Variants in ZSWIM5 observed in about 807,000 individuals in gnomAD.
ZSWIM5 encodes zinc finger SWIM-type containing 5, also known as zinc finger SWIM domain-containing protein 5.
ZSWIM5 carries 55 observed loss-of-function variants against 119.6 expected under a neutral mutation model. The ratio of observed to expected loss-of-function variants is 0.46; its 90% confidence interval spans 0.37 to 0.58. The LOEUF is 0.58. Ranked by LOEUF, ZSWIM5 falls within the 20% of genes least tolerant of loss-of-function variation. The pLI, the probability that ZSWIM5 is intolerant of heterozygous loss-of-function variation, is 0.00. For missense variants in ZSWIM5, 1,193 were observed against 1,512.8 expected (o/e 0.79, Z 3.51); for synonymous variants, 537 against 606.9 (o/e 0.88, Z 1.69).
At chr1:45,078,378 T>C (rs2149007480) in intron 2 of ZSWIM5, among the ~76,000 whole-genome samples, 1 of 152,270 alleles carries the variant, frequency 6.6e-6, no homozygotes, top group East Asian at 1.9e-4. Flanking sequence ...TGTATCTGCT[T>C]TAGTGGTCAC....
Position 45,018,556 on chromosome 1 carries a change from G to C in ZSWIM5, c.3456C>G (p.Pro1152=). 1 of 1,614,200 alleles carries C rather than the reference G, an allele frequency of 6.2e-7. No individual in the cohort carries two copies. Among genetic ancestry groups the C allele is most frequent in the African/African-American group, 1.3e-5 (1 of 75,040 alleles). ...LSKARETFLL[P]QDGHLQFAQF... ...GGGCAAACTGCAGGTGGCCATCCTGGGGCAGCAGGAAGGTCTCCCGAGCCT... is the reference window on the plus strand; with the variant it reads ...GGGCAAACTGCAGGTGGCCATCCTGCGGCAGCAGGAAGGTCTCCCGAGCCT... Residue 1152 remains proline (P), a synonymous_variant, in exon 14 of 14, where the codon CCC becomes CCG. Coordinates refer to ENST00000359600, the MANE Select transcript of ZSWIM5 (RefSeq NM_020883.2). The surrounding 1 kb of genome is among the most constrained non-coding windows in gnomAD (Gnocchi z 6.7).
Position 45,019,434 on chromosome 1 carries a change from C to G in ZSWIM5, c.2696-118G>C. 7.2e-7 allele frequency: 1 copy of G among 1,387,890 alleles called. No homozygotes were observed. Among genetic ancestry groups the G allele is most frequent in the Non-Finnish European group, 9.6e-7 (1 of 1,039,988 alleles). 86.0% of individuals were successfully genotyped at this position (1,387,890 alleles called of 1,614,324 possible). ...AGATGAATTCTTCCTCCTCAGCAAC[C>G]TTGAGATGATATGAGGCAAACCAGG... On this transcript the variant is annotated intron_variant, in intron 13 of 13. Transcript: ENST00000359600. This position sits in a 1 kb window ranked among gnomAD's most constrained non-coding sequence, Gnocchi z 5.0.
intron 3 of ZSWIM5, 149 bp downstream of exon 3, chr1:45,059,950 G>C: frequency 1.0e-6 from 1 of 962,080 alleles, no homozygotes; most frequent in Non-Finnish European, 1.5e-6. Flanking sequence ...GCTCAGGTCT[G>C]GTCAGCCTCT....
chr1:45,018,596 A>G lies in ZSWIM5; in HGVS notation c.3416T>C (p.Ile1139Thr), dbSNP rs763363708. The G allele has an allele frequency of 6.2e-7, 1 of 1,614,204 alleles. No homozygotes were observed. The highest frequency in any genetic ancestry group is 8.5e-7 in the Non-Finnish European group (1 of 1,180,028). The change falls in exon 14 of 14, where the codon ATT becomes ACT. Residue 1139 changes from isoleucine to threonine, a missense_variant. Physicochemically the swap from Ile to Thr is moderately conservative, Grantham distance 89 (BLOSUM62 -1). Coordinates refer to ENST00000359600, the MANE Select transcript of ZSWIM5 (RefSeq NM_020883.2). This position sits in a 1 kb window ranked among gnomAD's most constrained non-coding sequence, Gnocchi z 6.7. ...HISPRHYGEF[I>T]EFLSKARETF... ...CTCCCGAGCCTTGCTTAGAAACTCAATGAACTCTCCATAGTGGCGAGGGCT... is the reference window on the plus strand; with the variant it reads ...CTCCCGAGCCTTGCTTAGAAACTCAGTGAACTCTCCATAGTGGCGAGGGCT...
chr1:45,055,076 C>CT (rs2148998800), intron 4 of ZSWIM5, among the ~76,000 whole-genome samples: 1 of 152,116 alleles, frequency 6.6e-6, no homozygotes, highest in African/African-American at 2.4e-5. Flanking sequence ...ACTGCAAGCT[C>CT]GCCTCCCGGG....
intron 11 of ZSWIM5, among the ~76,000 whole-genome samples, chr1:45,032,084 C>T (rs1644956642): frequency 6.6e-6 from 1 of 151,912 alleles, no homozygotes; most frequent in African/African-American, 2.4e-5. Flanking sequence ...TTTTTATTAT[C>T]GAATTCTAAT....
intron 4 of ZSWIM5, among the ~76,000 whole-genome samples, chr1:45,054,463 T>A (rs1380981207): frequency 6.6e-6 from 1 of 151,958 alleles, no homozygotes; most frequent in Non-Finnish European, 1.5e-5. Context: ...GCGCCTGTAG[T>A]CTCAGCTACT....
chr1:45,081,765 G>C (rs1235725571), intron 2 of ZSWIM5, among the ~76,000 whole-genome samples: 1 of 152,010 alleles, frequency 6.6e-6, no homozygotes, highest in Non-Finnish European at 1.5e-5. Context: ...TCTCTGCCTG[G>C]CCACCCATCG....
intron 2 of ZSWIM5, among the ~76,000 whole-genome samples, chr1:45,073,401 G>A (rs549725684): frequency 6.6e-6 from 1 of 151,112 alleles, no homozygotes; most frequent in African/African-American, 2.4e-5. Context: ...TGGGATTACT[G>A]GTGCCCACCA....
intron 1 of ZSWIM5, among the ~76,000 whole-genome samples, chr1:45,180,145 G>A (rs1226732): frequency 0.063 from 9,582 of 152,282 alleles, 384 homozygotes; most frequent in East Asian, 0.11. Context: ...ACTCACTCGG[G>A]AAGCCCAAGG....
intron 1 of ZSWIM5, among the ~76,000 whole-genome samples, chr1:45,129,447 A>G (rs146607309): frequency 0.021 from 3,141 of 152,204 alleles, 117 homozygotes; most frequent in African/African-American, 0.072. Flanking sequence ...GTGAGCCACC[A>G]TGCCCAGCCA....
intron 6 of ZSWIM5, among the ~76,000 whole-genome samples, chr1:45,041,802 T>A (rs1344304061): frequency 6.6e-6 from 1 of 152,256 alleles, no homozygotes; most frequent in African/African-American, 2.4e-5. Flanking sequence ...CCTCTCAATG[T>A]GCTGGGATTA....
At chr1:45,076,559 T>C (rs536730354) in intron 2 of ZSWIM5, among the ~76,000 whole-genome samples, 1 of 152,314 alleles carries the variant, frequency 6.6e-6, no homozygotes, top group Admixed American at 6.5e-5. Flanking sequence ...AGTTTGATTA[T>C]TAAATGTCTT....
At chr1:45,162,240 A>G (rs1408779585) in intron 1 of ZSWIM5, among the ~76,000 whole-genome samples, 1 of 152,254 alleles carries the variant, frequency 6.6e-6, no homozygotes, top group Non-Finnish European at 1.5e-5. Flanking sequence ...CTGTAATCCC[A>G]GCACTATGGG....
In ZSWIM5 at chr1:45,019,427, C is replaced by T. The variant is rs1401169013; in HGVS notation, c.2696-111G>A. The T allele has an allele frequency of 1.4e-6, 2 of 1,421,548 alleles. No individual in the cohort carries two copies. Among genetic ancestry groups the T allele is most frequent in the Non-Finnish European group, 1.9e-6 (2 of 1,066,596 alleles). 88.1% of individuals were successfully genotyped at this position (1,421,548 alleles called of 1,614,324 possible). On this transcript the variant is annotated intron_variant, in intron 13 of 13. Transcript: ENST00000359600. This position sits in a 1 kb window ranked among gnomAD's most constrained non-coding sequence, Gnocchi z 5.0. ...CCTGCAGAGATGAATTCTTCCTCCT[C>T]AGCAACCTTGAGATGATATGAGGCA... is the stretch of plus-strand genomic sequence containing the variant.
intron 1 of ZSWIM5, among the ~76,000 whole-genome samples, chr1:45,103,622 A>G (rs891450191): frequency 6.6e-6 from 1 of 152,232 alleles, no homozygotes; most frequent in Non-Finnish European, 1.5e-5. Context: ...ACAAGTCAGT[A>G]AACTCTGACA....
chr1:45,174,633 G>A (rs1249056223), intron 1 of ZSWIM5, among the ~76,000 whole-genome samples: 4 of 151,582 alleles, frequency 2.6e-5, no homozygotes, highest in Non-Finnish European at 4.4e-5. Context: ...TCTCCTACTC[G>A]GGGAGCTGGG....
chr1:45,071,756 G>A (rs1645223601), intron 2 of ZSWIM5, among the ~76,000 whole-genome samples: 2 of 152,236 alleles, frequency 1.3e-5, no homozygotes, highest in East Asian at 3.9e-4. Flanking sequence ...ACTGCACCCA[G>A]CTGATCTCAT....
chr1:45,020,672 T>C lies in ZSWIM5; in HGVS notation c.2566A>G (p.Ser856Gly). Residue 856 changes from serine (S) to glycine (G), a missense_variant, in exon 12 of 14, where the codon AGT becomes GGT. Coordinates refer to ENST00000359600, the MANE Select transcript of ZSWIM5 (RefSeq NM_020883.2). The part of the protein sequence containing the change: ...AFKIATPTDS[S>G]TDSTLLNVAL... ...ACGTTGAGCAGGGTGCTGTCAGTAC[T>C]ACTGTCGGTGGGAGTAGCAATCTTG... is the stretch of plus-strand genomic sequence containing the variant. 6.2e-7 allele frequency: 1 copy of C among 1,614,204 alleles called. No individual in the cohort carries two copies. The highest frequency in any genetic ancestry group is 8.5e-7 in the Non-Finnish European group (1 of 1,180,026).
Sources: gnomAD v4.1 joint callset for allele counts (sites outside exome capture counted in the v4.1 genomes callset) on GRCh38, gnomAD v4.1.1 for gene constraint, Gnocchi (gnomAD v3.1) non-coding constraint, MANE v1.5 for transcripts, NCBI Gene and HGNC (gene_info 2026-07-23, HGNC 2026-07-21) for gene names.